TMEM192: variants seen among roughly 807,000 people sequenced by gnomAD.
The protein encoded by TMEM192 is transmembrane protein 192.
Under a neutral mutation model 26.7 loss-of-function variants are expected in TMEM192, and 20 were observed. That is an observed-to-expected ratio of 0.75 (90% CI 0.53 to 1.09). The LOEUF (loss-of-function observed/expected upper bound fraction) is 1.09. Among genes scored for constraint, TMEM192 ranks in the 50% least tolerant of loss-of-function variants. The pLI, the probability that TMEM192 is intolerant of heterozygous loss-of-function variation, is 0.00. For synonymous variants in TMEM192, 124 were observed against 121.0 expected (o/e 1.02, Z -0.16); for missense variants, 304 against 322.6 (o/e 0.94, Z 0.44).
At position 165,092,112 on chromosome 4, in the gene TMEM192, C is replaced by CTTTTTTTTTTT. The variant is rs35641833; in HGVS notation, c.440-3521_440-3511dup. On this transcript the variant is annotated intron_variant, in intron 3 of 5. Transcript: ENST00000306480. ...AATGCTGTTCTTTCTTAATGCTGTT[C>CTTTTTTTTTTT]TTTTTTTTTTTTTTTTTTTTTTTTT... is the stretch of plus-strand genomic sequence containing the variant. Among the ~76,000 whole-genome samples the CTTTTTTTTTTT allele has an allele frequency of 3.2e-4, 23 of 72,074 alleles. 2 individuals carry two copies. Among genetic ancestry groups the CTTTTTTTTTTT allele is most frequent in the African/African-American group, 1.3e-3 (19 of 14,856 alleles). 47.3% of individuals were successfully genotyped at this position (72,074 alleles called of 152,430 possible).
chr4:165,087,376 G>T (rs935137552), intron 4 of TMEM192, among the ~76,000 whole-genome samples: 17 of 152,142 alleles, frequency 1.1e-4, no homozygotes, highest in Non-Finnish European at 5.9e-5. Context: ...AGACAGAGCT[G>T]AAAGACAGGT....
intron 5 of TMEM192, among the ~76,000 whole-genome samples, chr4:165,080,843 T>A (rs1734502916): frequency 6.6e-6 from 1 of 151,986 alleles, no homozygotes; most frequent in Non-Finnish European, 1.5e-5. Context: ...GCCTCCCAAG[T>A]AGCTGAGATT....
rs1172785918 is a variant in TMEM192, at chr4:165,100,877, A to G, written c.190T>C (p.Leu64=). ...CAAAGCACACCTGTTAAAAATGCTA[A>G]AACAACAAACACGAGCTGGGGGAAA... ...LWFIHLVFVV[L]AFLTGVLCSY... Residue 64 remains leucine (L), a synonymous_variant, in exon 3 of 6, where the codon TTA becomes CTA. Transcript: ENST00000306480. The G allele has an allele frequency of 1.2e-6, 2 of 1,611,682 alleles. No individual in the cohort carries two copies. The highest frequency in any genetic ancestry group is 3.4e-5 in the Admixed American group (2 of 59,624).
intron 3 of TMEM192, among the ~76,000 whole-genome samples, chr4:165,088,925 C>A (rs936159234): frequency 6.6e-6 from 1 of 151,212 alleles, no homozygotes; most frequent in Admixed American, 6.6e-5. Flanking sequence ...TCTGTAGTTC[C>A]AGCTACCTGG....
chr4:165,088,454 G>C lies in TMEM192; in HGVS notation c.574+14C>G. ...TCGAAGTTCCTATAAGAACAGGCTC[G>C]TTGTAATTCTCACCTGTGTAAATGA... On this transcript the variant is annotated intron_variant, in intron 4 of 5. Coordinates refer to ENST00000306480, the MANE Select transcript of TMEM192 (RefSeq NM_001100389.2). The C allele has an allele frequency of 6.2e-7, 1 of 1,608,988 alleles. No individual in the cohort carries two copies. The highest frequency in any genetic ancestry group is 8.5e-7 in the Non-Finnish European group (1 of 1,177,244).
At chr4:165,080,694 A>G (rs1734499636) in intron 5 of TMEM192, among the ~76,000 whole-genome samples, 2 of 152,142 alleles carry the variant, frequency 1.3e-5, no homozygotes, top group South Asian at 2.1e-4. Flanking sequence ...GGTTACAGGA[A>G]TGGGCTATGT....
intron 2 of TMEM192, among the ~76,000 whole-genome samples, 184 bp downstream of exon 2, chr4:165,102,766 T>C (rs1735066153): frequency 1.4e-5 from 2 of 146,074 alleles, no homozygotes; most frequent in Admixed American, 1.4e-4. Flanking sequence ...TTTGAAGATA[T>C]AAGTAAAAGT....
chr4:165,085,422 T>C (rs1220579030), intron 5 of TMEM192, among the ~76,000 whole-genome samples, 164 bp downstream of exon 5: 1 of 152,174 alleles, frequency 6.6e-6, no homozygotes, highest in African/African-American at 2.4e-5. Context: ...TTTAATACAT[T>C]TACACATCCT....
rs1466395711 is a variant in TMEM192 at position 165,071,734 on chromosome 4, CAAAG to C, written c.*7920_*7923del. The stretch of plus-strand genomic sequence containing the variant: ...CACAGTGTGACCGACGCAGGGTACA[CAAAG>C]GAAGAGTAGGAGAGAGGAGGTGGGG... On this transcript the variant is annotated 3_prime_UTR_variant, in exon 6 of 6. Transcript: ENST00000306480. 1 of 151,554 alleles carries C rather than the reference CAAAG, an allele frequency of 6.6e-6. No individual in the cohort carries two copies. The highest frequency in any genetic ancestry group is 2.4e-5 in the African/African-American group (1 of 40,972). The allele number at this position is 151,554 out of a possible 1,614,324, so 9.4% of individuals were successfully genotyped here. A position where few individuals can be genotyped will look rare whatever the true frequency, so the allele number is the denominator to read the frequency against.
chr4:165,101,081 A>G (rs1002892342), intron 2 of TMEM192, among the ~76,000 whole-genome samples, 189 bp from the exon 3 acceptor site: 1 of 141,840 alleles, frequency 7.1e-6, no homozygotes, highest in African/African-American at 2.6e-5. Flanking sequence ...GGTTCACGCC[A>G]TTCTCCTGCC....
rs899033443 is a variant in TMEM192, at chr4:165,091,518, G to A, written c.440-2916C>T. On this transcript the variant is annotated intron_variant, in intron 3 of 5. Transcript: ENST00000306480. Reference sequence around the variant, plus strand: ...CTCCACACATCTAGTTTAGTAAGAAGTGTTCTATGTAGGAACGTAGAAAAG... The same window carrying A: ...CTCCACACATCTAGTTTAGTAAGAAATGTTCTATGTAGGAACGTAGAAAAG... Among the ~76,000 whole-genome samples the A allele has an allele frequency of 1.2e-4, 18 of 152,150 alleles. 1 individual carries two copies. Among genetic ancestry groups the A allele is most frequent in the African/African-American group, 4.3e-4 (18 of 41,434 alleles).
chr4:165,079,703 C>G lies in TMEM192; in HGVS notation c.771G>C (p.Leu257Phe). 1 of 1,613,978 alleles carries G rather than the reference C, an allele frequency of 6.2e-7. No homozygotes were observed. ...RHNALLSKRL[L>F]ALTSSDLGCQ... is the part of the protein sequence containing the mutation. The stretch of plus-strand genomic sequence containing the variant: ...AGCCCAGGTCTGAGGAAGTGAGAGC[C>G]AACAATCGCTTACTCAGCAGCGCAT... Residue 257 changes from leucine (L) to phenylalanine (F), a missense_variant, in exon 6 of 6, where the codon TTG becomes TTC. Transcript: ENST00000306480.
At chr4:165,084,130 T>C (rs533002551) in intron 5 of TMEM192, among the ~76,000 whole-genome samples, 2 of 152,066 alleles carry the variant, frequency 1.3e-5, no homozygotes, top group South Asian at 4.2e-4. Flanking sequence ...CATGTTTTTT[T>C]CTTTTTCTTT....
At chr4:165,103,262 TAATTA>T (rs1735086293) in intron 1 of TMEM192, among the ~76,000 whole-genome samples, 166 bp from the exon 2 acceptor site, 1 of 152,002 alleles carries the variant, frequency 6.6e-6, no homozygotes, top group Non-Finnish European at 1.5e-5. Flanking sequence ...TAATTTAATT[TAATTA>T]ATTAAAAAAT....
At chr4:165,087,102 G>A (rs891063109) in intron 4 of TMEM192, among the ~76,000 whole-genome samples, 1 of 151,542 alleles carries the variant, frequency 6.6e-6, no homozygotes, top group African/African-American at 2.4e-5. Context: ...TGACGAGAGT[G>A]AAACTCCAAC....
chr4:165,093,097 C>CTTT lies in TMEM192; in HGVS notation c.440-4498_440-4496dup, dbSNP rs35970962. 3.4e-3 allele frequency among the ~76,000 whole-genome samples: 407 copies of CTTT among 120,916 alleles called. 7 individuals carry two copies. Among genetic ancestry groups the CTTT allele is most frequent in the African/African-American group, 0.012 (373 of 31,872 alleles). 79.3% of individuals were successfully genotyped at this position (120,916 alleles called of 152,430 possible). ...TACAGTTTTATGGTTTTTTTTTCTT[C>CTTT]TTTTTTTTTTTTTTTTTGAGATGGA... On this transcript the variant is annotated intron_variant, in intron 3 of 5. Transcript: ENST00000306480.
At chr4:165,098,893 G>A (rs1204575892) in intron 3 of TMEM192, among the ~76,000 whole-genome samples, 1 of 151,504 alleles carries the variant, frequency 6.6e-6, no homozygotes, top group Non-Finnish European at 1.5e-5. Flanking sequence ...GTAGAGATGA[G>A]GTTTCACCAT....
chr4:165,103,176 G>T, intron 1 of TMEM192, 80 bp from the exon 2 acceptor site: 1 of 1,333,584 alleles, frequency 7.5e-7, no homozygotes. Context: ...AAACTACAGA[G>T]CTTTTTAACC....
At chr4:165,089,222 G>A (rs1032733499) in intron 3 of TMEM192, among the ~76,000 whole-genome samples, 1 of 151,908 alleles carries the variant, frequency 6.6e-6, no homozygotes, top group African/African-American at 2.4e-5. Context: ...GGTTCTTCTC[G>A]GCCTCTCTGT....
Sources: gnomAD v4.1 joint callset for allele counts (sites outside exome capture counted in the v4.1 genomes callset) on GRCh38, gnomAD v4.1.1 for gene constraint, MANE v1.5 for transcripts, NCBI Gene and HGNC (gene_info 2026-07-23, HGNC 2026-07-21) for gene names.